The following KCMF1 variants were observed in gnomAD, a reference collection of about 807,000 sequenced individuals.
The protein encoded by KCMF1 is potassium channel modulatory factor 1.
Under a neutral mutation model 41.1 loss-of-function variants are expected in KCMF1, and 3 were observed. The observed-to-expected ratio is 0.07, with a 90% CI of 0.03 to 0.19. KCMF1 has a LOEUF of 0.19. Among genes scored for constraint, KCMF1 ranks in the 10% least tolerant of loss-of-function variants. KCMF1 has a pLI of 1.00. For missense variants in KCMF1, 286 were observed against 488.9 expected (o/e 0.58, Z 3.91); for synonymous variants, 142 against 164.5 (o/e 0.86, Z 1.04).
At chr2:85,008,438 ACAT>A (rs1218258770) in intron 1 of KCMF1, among the ~76,000 whole-genome samples, 1 of 119,156 alleles carries the variant, frequency 8.4e-6, no homozygotes, top group Admixed American at 9.0e-5. Flanking sequence ...TATGATATAT[ACAT>A]CATATATCTG....
At chr2:84,972,824 A>G (rs968332522) in intron 1 of KCMF1, among the ~76,000 whole-genome samples, 4 of 152,234 alleles carry the variant, frequency 2.6e-5, no homozygotes, top group Non-Finnish European at 2.9e-5. Flanking sequence ...TTACAAAACT[A>G]ATATGAAATA....
chr2:85,008,291 T>TCATATATAATATGATATATATATC (rs1553379312), intron 1 of KCMF1, among the ~76,000 whole-genome samples: 253 of 14,510 alleles, frequency 0.017, 1 homozygote, highest in Non-Finnish European at 0.038. Flanking sequence ...TGATATATAA[T>TCATATATAATATGATATATATATC]ATATATAATA....
intron 3 of KCMF1, among the ~76,000 whole-genome samples, chr2:85,035,875 T>C (rs1472576825): frequency 6.6e-6 from 1 of 152,214 alleles, no homozygotes; most frequent in East Asian, 1.9e-4. Flanking sequence ...TATGGAACTA[T>C]AGATACTGAA....
intron 1 of KCMF1, among the ~76,000 whole-genome samples, chr2:85,000,267 A>C (rs1663642181): frequency 6.6e-6 from 1 of 152,058 alleles, no homozygotes. Flanking sequence ...CTGGGACTAC[A>C]GGTGCCCGCT....
intron 3 of KCMF1, among the ~76,000 whole-genome samples, chr2:85,040,773 T>C (rs1328541496): frequency 2.6e-5 from 4 of 151,522 alleles, no homozygotes; most frequent in Admixed American, 6.6e-5. Flanking sequence ...CTTTTCTTTT[T>C]TTTTTTTTTG....
chr2:84,992,992 G>A (rs529189615), intron 1 of KCMF1, among the ~76,000 whole-genome samples: 17 of 152,172 alleles, frequency 1.1e-4, no homozygotes, highest in African/African-American at 3.9e-4. Flanking sequence ...CCAGGTATTC[G>A]AGACTAGCCT....
At chr2:85,036,081 C>G (rs1015612846) in intron 3 of KCMF1, among the ~76,000 whole-genome samples, 9 of 152,190 alleles carry the variant, frequency 5.9e-5, no homozygotes, top group Admixed American at 3.3e-4. Context: ...CTACTTAACT[C>G]TGCTACAGCT....
intron 3 of KCMF1, among the ~76,000 whole-genome samples, chr2:85,036,840 TAATA>T (rs1019791150): frequency 1.3e-5 from 2 of 148,306 alleles, no homozygotes; most frequent in East Asian, 1.9e-4. Flanking sequence ...ATAAATATAT[TAATA>T]AATATATAAC....
At chr2:84,989,687 CTTGA>C (rs1380597168) in intron 1 of KCMF1, among the ~76,000 whole-genome samples, 4 of 152,134 alleles carry the variant, frequency 2.6e-5, no homozygotes, top group African/African-American at 9.7e-5. Context: ...GGGTTTCTGG[CTTGA>C]TTAATTGGGC....
Position 85,049,383 on chromosome 2 carries a change from T to C in KCMF1, c.619T>C (p.Ser207Pro). The change falls in exon 6 of 7, where the codon TCA (serine) becomes CCA (proline). Residue 207 changes from serine (S) to proline (P), a missense_variant. Ser to Pro is a moderately conservative substitution (Grantham distance 74, BLOSUM62 -1). Coordinates refer to ENST00000409785, the MANE Select transcript of KCMF1 (RefSeq NM_020122.5). ...ATTGGCAGAGCTTTTATCTCAGTTA[T>C]CAGGAGTGAGACGTTCTGCAGGAGG... is the stretch of plus-strand genomic sequence containing the variant. ...DPIAELLSQLSGVRRSAGGQL... is the reference protein window; with the variant it reads ...DPIAELLSQLPGVRRSAGGQL... 2 of 1,613,618 alleles carry C rather than the reference T, an allele frequency of 1.2e-6. No individual in the cohort carries two copies. The highest frequency in any genetic ancestry group is 1.7e-6 in the Non-Finnish European group (2 of 1,179,488).
intron 1 of KCMF1, among the ~76,000 whole-genome samples, chr2:84,997,735 A>T (rs1674210340): frequency 7.5e-6 from 1 of 132,680 alleles, no homozygotes; most frequent in Admixed American, 7.6e-5. Context: ...TACTAATTTG[A>T]TGTTGACTTA....
chr2:84,993,205 AGAAAC>A (rs1472566696), intron 1 of KCMF1, among the ~76,000 whole-genome samples: 2 of 151,996 alleles, frequency 1.3e-5, no homozygotes. Context: ...AAAAAAGAAA[AGAAAC>A]AGGAAAAAAA....
chr2:85,026,553 G>C (rs1050018995), intron 1 of KCMF1, among the ~76,000 whole-genome samples: 3 of 151,420 alleles, frequency 2.0e-5, no homozygotes, highest in African/African-American at 7.3e-5. Flanking sequence ...GCAGTAGTTT[G>C]ATCATGGTCA....
intron 1 of KCMF1, among the ~76,000 whole-genome samples, chr2:84,982,490 C>T (rs2103967601): frequency 6.9e-6 from 1 of 144,834 alleles, no homozygotes; most frequent in South Asian, 2.3e-4. Flanking sequence ...CAACCTCCAC[C>T]TCCTGGGTTC....
rs1394934904 is a variant in KCMF1 at position 85,037,793 on chromosome 2, C to T, written c.324+2638C>T. Reference sequence around the variant, plus strand: ...GGTTCCCCAACCCCTGGGCCACGGACGGGACCAGACTAATACCCGTCCATG... The same window carrying T: ...GGTTCCCCAACCCCTGGGCCACGGATGGGACCAGACTAATACCCGTCCATG... On this transcript the variant is annotated intron_variant, in intron 3 of 6. Coordinates refer to ENST00000409785, the MANE Select transcript of KCMF1 (RefSeq NM_020122.5). Among the ~76,000 whole-genome samples, 8 of 152,136 alleles carry T rather than the reference C, an allele frequency of 5.3e-5. No individual in the cohort carries two copies. In the East Asian group the frequency reaches 1.2e-3, roughly 22 times the overall value.
chr2:84,979,522 T>TAAA (rs11406108), intron 1 of KCMF1, among the ~76,000 whole-genome samples: 85 of 141,702 alleles, frequency 6.0e-4, no homozygotes, highest in African/African-American at 1.7e-3. Flanking sequence ...AAATTCTGTC[T>TAAA]AAAAAAAAAA....
At chr2:85,031,349 T>C (rs1675262465) in intron 2 of KCMF1, among the ~76,000 whole-genome samples, 1 of 152,250 alleles carries the variant, frequency 6.6e-6, no homozygotes, top group South Asian at 2.1e-4. Context: ...GTTTTGCACT[T>C]CCATTGAATT....
chr2:85,022,093 A>G (rs910134953), intron 1 of KCMF1, among the ~76,000 whole-genome samples: 1 of 152,044 alleles, frequency 6.6e-6, no homozygotes, highest in Non-Finnish European at 1.5e-5. Flanking sequence ...CTGGGCTTAC[A>G]GGTGTGAGCC....
chr2:85,052,358 A>G (rs1200998754), intron 6 of KCMF1, among the ~76,000 whole-genome samples: 1 of 152,182 alleles, frequency 6.6e-6, no homozygotes, highest in Non-Finnish European at 1.5e-5. Context: ...GTCATGAGCC[A>G]CCGTGCCTGG....
Sources: gnomAD v4.1 joint callset for allele counts (sites outside exome capture counted in the v4.1 genomes callset) on GRCh38, gnomAD v4.1.1 for gene constraint, MANE v1.5 for transcripts, NCBI Gene and HGNC (gene_info 2026-07-23, HGNC 2026-07-21) for gene names.